The following TTC7B variants were observed in gnomAD, a reference collection of about 807,000 sequenced individuals.
The protein encoded by TTC7B is tetratricopeptide repeat domain 7B.
Under a neutral mutation model 106.8 loss-of-function variants are expected in TTC7B, and 28 were observed. The ratio of observed to expected loss-of-function variants is 0.26; its 90% CI spans 0.19 to 0.36. The LOEUF is 0.36. Ranked by LOEUF, TTC7B falls within the 10% of genes least tolerant of loss-of-function variation. The pLI is 1.00. For synonymous variants in TTC7B, 405 were observed against 430.6 expected (o/e 0.94, Z 0.74); for missense variants, 862 against 1,076.4 (o/e 0.80, Z 2.79).
intron 15 of TTC7B, among the ~76,000 whole-genome samples, chr14:90,635,216 G>T (rs2139869584): frequency 6.6e-6 from 1 of 152,154 alleles, no homozygotes; most frequent in African/African-American, 2.4e-5. Flanking sequence ...AAAATTTCTT[G>T]GGTAATCACT....
chr14:90,791,832 C>T (rs72695542), intron 1 of TTC7B, among the ~76,000 whole-genome samples: 6,558 of 152,138 alleles, frequency 0.043, 193 homozygotes, highest in Non-Finnish European at 0.058. Flanking sequence ...GAGCTGCCAC[C>T]GAGCCCCCGA....
At position 90,752,580 on chromosome 14, in the gene TTC7B, T is replaced by G. The variant is rs1013429869; in HGVS notation, c.446-7658A>C. Among the ~76,000 whole-genome samples the G allele has an allele frequency of 3.3e-5, 5 of 152,330 alleles. No homozygotes were observed. The South Asian group carries it at 1.0e-3, about 32-fold the overall frequency. ...CTCAGCTAGGAGCCTTATCTGGGTA[T>G]GTAAGACTTCAGTTTCAATAATAAT... On this transcript the variant is annotated intron_variant, in intron 3 of 19. Transcript: ENST00000328459.
At chr14:90,694,258 CG>C (rs1887587470) in intron 6 of TTC7B, among the ~76,000 whole-genome samples, 1 of 152,026 alleles carries the variant, frequency 6.6e-6, no homozygotes, top group South Asian at 2.1e-4. Context: ...AACAAAACCA[CG>C]AATGGTATCA....
chr14:90,709,452 C>T (rs1190096766), intron 5 of TTC7B, among the ~76,000 whole-genome samples: 1 of 147,184 alleles, frequency 6.8e-6, no homozygotes, highest in African/African-American at 2.5e-5. Flanking sequence ...AACCAAACAC[C>T]ACACGTTCTC....
intron 17 of TTC7B, among the ~76,000 whole-genome samples, chr14:90,604,126 G>A (rs771421136): frequency 1.3e-4 from 20 of 152,240 alleles, no homozygotes; most frequent in Non-Finnish European, 2.9e-4. Context: ...GATGCAACAT[G>A]AAAAATACGG....
chr14:90,675,653 C>T (rs1370520429), intron 9 of TTC7B, among the ~76,000 whole-genome samples: 1 of 152,220 alleles, frequency 6.6e-6, no homozygotes. Flanking sequence ...GATGCACTGG[C>T]AGGCTAGAGG....
Position 90,694,930 on chromosome 14 carries a change from T to TGTA in TTC7B, c.777+569_777+570insTAC. ...CACATATATTTATTATAAATATATG[T>TGTA]ATAATATGTCACATATATTTATTAT... On this transcript the variant is annotated intron_variant, in intron 6 of 19. Transcript: ENST00000328459. Among the ~76,000 whole-genome samples the TGTA allele has an allele frequency of 2.6e-4, 5 of 19,548 alleles. No individual in the cohort carries two copies. The Admixed American group carries it at 3.2e-3, about 13-fold the overall frequency. 12.8% of individuals were successfully genotyped at this position (19,548 alleles called of 152,430 possible).
chr14:90,811,387 G>A (rs1366148767), intron 1 of TTC7B, among the ~76,000 whole-genome samples: 1 of 152,128 alleles, frequency 6.6e-6, no homozygotes, highest in Non-Finnish European at 1.5e-5. Flanking sequence ...AACAACAGGG[G>A]CTGCCTCACC....
At chr14:90,670,776 T>C (rs1029452706) in intron 9 of TTC7B, among the ~76,000 whole-genome samples, 1 of 152,176 alleles carries the variant, frequency 6.6e-6, no homozygotes, top group South Asian at 2.1e-4. Context: ...ATGGTTCCTA[T>C]TGAGCCGACT....
At chr14:90,792,215 A>C (rs1891609078) in intron 1 of TTC7B, among the ~76,000 whole-genome samples, 1 of 152,046 alleles carries the variant, frequency 6.6e-6, no homozygotes, top group South Asian at 2.1e-4. Context: ...TGTTTCTCTG[A>C]TCTCCTGATG....
rs36062485 is a variant in TTC7B at position 90,736,150 on chromosome 14, C to CTATATA, written c.577-5960_577-5955dup. On this transcript the variant is annotated intron_variant, in intron 4 of 19. Coordinates refer to ENST00000328459, the MANE Select transcript of TTC7B (RefSeq NM_001010854.2). ...TTAATTGAGAAAAATTAATTTAGAG[C>CTATATA]TATATATATATATATATACCACAAT... Among the ~76,000 whole-genome samples the CTATATA allele has an allele frequency of 5.8e-3, 849 of 146,690 alleles. 5 individuals are homozygous for CTATATA. The highest frequency in any genetic ancestry group is 8.8e-3 in the African/African-American group (353 of 39,944).
At chr14:90,616,784 T>C (rs1199802886) in intron 16 of TTC7B, among the ~76,000 whole-genome samples, 1 of 152,184 alleles carries the variant, frequency 6.6e-6, no homozygotes, top group East Asian at 1.9e-4. Flanking sequence ...TGCTGGTCTC[T>C]GCAGACCACG....
intron 15 of TTC7B, among the ~76,000 whole-genome samples, chr14:90,628,450 C>T (rs1162300335): frequency 6.6e-6 from 1 of 152,160 alleles, no homozygotes. Flanking sequence ...AGGAGGGGAG[C>T]ACAGTGAAGA....
intron 1 of TTC7B, among the ~76,000 whole-genome samples, chr14:90,794,211 CT>C (rs1186061223): frequency 0.32 from 14,527 of 44,782 alleles, 1,261 homozygotes; most frequent in Middle Eastern, 0.41. Flanking sequence ...CTGGGTATTT[CT>C]TTTTTTTTTT....
intron 5 of TTC7B, among the ~76,000 whole-genome samples, chr14:90,708,159 A>AAT (rs1375193324): frequency 3.2e-4 from 48 of 151,614 alleles, no homozygotes; most frequent in African/African-American, 1.0e-3. Context: ...AAAAAAAAAA[A>AAT]AAAAAAAAAA....
chr14:90,704,180 C>T (rs150746061), intron 5 of TTC7B, among the ~76,000 whole-genome samples: 2 of 152,368 alleles, frequency 1.3e-5, no homozygotes, highest in Non-Finnish European at 2.9e-5. Flanking sequence ...GTGAATCCTC[C>T]GCCTTTCCCC....
At chr14:90,626,619 G>A (rs915788778) in intron 15 of TTC7B, among the ~76,000 whole-genome samples, 2 of 152,206 alleles carry the variant, frequency 1.3e-5, no homozygotes, top group African/African-American at 2.4e-5. Context: ...ACAGGCAAGT[G>A]CGATGACCAG....
intron 1 of TTC7B, among the ~76,000 whole-genome samples, chr14:90,796,190 TC>T (rs1338018273): frequency 6.6e-6 from 1 of 152,154 alleles, no homozygotes; most frequent in Non-Finnish European, 1.5e-5. Flanking sequence ...GGTTTTGAAG[TC>T]CCTCTCCTTC....
At chr14:90,740,494 C>CTTTTTTTTTTT (rs71461924) in intron 4 of TTC7B, among the ~76,000 whole-genome samples, 3 of 78,314 alleles carry the variant, frequency 3.8e-5, no homozygotes, top group Admixed American at 2.1e-4. Context: ...AATTCTTTGA[C>CTTTTTTTTTTT]TTTTTTTTTT....
Sources: gnomAD v4.1 joint callset for allele counts (sites outside exome capture counted in the v4.1 genomes callset) on GRCh38, gnomAD v4.1.1 for gene constraint, MANE v1.5 for transcripts, NCBI Gene and HGNC (gene_info 2026-07-23, HGNC 2026-07-21) for gene names.